The following CFAP77 variants were observed in gnomAD, a reference collection of about 807,000 sequenced individuals.
The protein encoded by CFAP77 is cilia- and flagella-associated protein 77.
A neutral mutation model predicts 31.1 loss-of-function variants in CFAP77; 25 were observed. That is an observed-to-expected ratio of 0.80 (90% CI 0.59 to 1.12). The LOEUF is 1.12. Ranked by LOEUF, CFAP77 falls within the 50% of genes most tolerant of loss-of-function variation. The probability of loss-of-function intolerance (pLI) is 0.00; values close to 1 mark genes in which losing one functional copy is unlikely to be tolerated. For missense variants in CFAP77, 377 were observed against 397.3 expected (o/e 0.95, Z 0.44); for synonymous variants, 151 against 159.9 (o/e 0.94, Z 0.42).
intron 1 of CFAP77, among the ~76,000 whole-genome samples, chr9:132,454,170 T>C (rs1850875840): frequency 6.6e-6 from 1 of 152,156 alleles, no homozygotes; most frequent in African/African-American, 2.4e-5. Flanking sequence ...AAAAGCATCA[T>C]AATTTTTTGC....
chr9:132,444,023 C>A (rs60545066), intron 1 of CFAP77, among the ~76,000 whole-genome samples: 3 of 152,340 alleles, frequency 2.0e-5, no homozygotes, highest in African/African-American at 7.2e-5. Context: ...GTGGCCCTCC[C>A]GGGCCCACAG....
rs114508904 is a variant in CFAP77 at position 132,513,449 on chromosome 9, C to T, written c.524+13849C>T. On this transcript the variant is annotated intron_variant, in intron 3 of 5. Coordinates refer to ENST00000393216, the MANE Select transcript of CFAP77 (RefSeq NM_001282957.2). ...CACCTTCCTAGCCTCAGCCCCTCCCCGTCTTCCCTGAGGACCCTCCCGAGG... is the reference window on the plus strand; with the variant it reads ...CACCTTCCTAGCCTCAGCCCCTCCCTGTCTTCCCTGAGGACCCTCCCGAGG... 943 of 1,381,286 alleles carry T rather than the reference C, an allele frequency of 6.8e-4. 11 individuals carry two copies. The African/African-American group carries it at 0.013, about 18-fold the overall frequency. 85.6% of individuals were successfully genotyped at this position (1,381,286 alleles called of 1,614,324 possible). A position where few individuals can be genotyped will look rare whatever the true frequency, so the allele number is the denominator to read the frequency against.
intron 1 of CFAP77, among the ~76,000 whole-genome samples, chr9:132,430,063 CTG>C (rs913378431): frequency 3.6e-4 from 55 of 152,184 alleles, no homozygotes; most frequent in African/African-American, 1.3e-3. Context: ...TGGCGTTCTC[CTG>C]GGCACTCCCT....
chr9:132,541,447 G>A (rs115972785), intron 4 of CFAP77, among the ~76,000 whole-genome samples: 3,322 of 152,344 alleles, frequency 0.022, 126 homozygotes, highest in African/African-American at 0.075. Context: ...GACATGACCA[G>A]GTGTGGTGGC....
chr9:132,494,667 A>T (rs115070051), intron 1 of CFAP77, among the ~76,000 whole-genome samples: 14,120 of 152,236 alleles, frequency 0.093, 1,038 homozygotes, highest in African/African-American at 0.21. Context: ...AAACAGCACT[A>T]TCCACGGTGG....
intron 1 of CFAP77, among the ~76,000 whole-genome samples, chr9:132,479,589 G>A (rs1272718566): frequency 2.6e-5 from 4 of 152,222 alleles, no homozygotes; most frequent in Admixed American, 2.6e-4. Context: ...GCTCCTCCGA[G>A]TGGCTGGAGG....
chr9:132,464,196 T>A (rs1383208848), intron 1 of CFAP77, among the ~76,000 whole-genome samples: 1 of 152,180 alleles, frequency 6.6e-6, no homozygotes, highest in East Asian at 1.9e-4. Context: ...AACATGCACA[T>A]CTTCCCATCA....
intron 3 of CFAP77, chr9:132,513,471 G>A (rs1289367384): frequency 1.7e-5 from 21 of 1,266,202 alleles, no homozygotes; most frequent in African/African-American, 7.5e-5. Flanking sequence ...GGACCCTCCC[G>A]AGGTTGGAGC....
rs35890047 is a variant in CFAP77, at chr9:132,526,542, T to TA, written c.525-11050dup. Among the ~76,000 whole-genome samples the TA allele has an allele frequency of 2.3e-3, 337 of 147,452 alleles. 7 individuals carry two copies. Among genetic ancestry groups the TA allele is most frequent in the African/African-American group, 7.3e-3 (297 of 40,676 alleles). ...CCACAGCGCCCGACCGGCAGTTTCT[T>TA]AAAAAAAAACTAAACACCAGGAGCT... On this transcript the variant is annotated intron_variant, in intron 3 of 5. Coordinates refer to ENST00000393216, the MANE Select transcript of CFAP77 (RefSeq NM_001282957.2).
At chr9:132,519,633 T>A (rs1327661486) in intron 3 of CFAP77, among the ~76,000 whole-genome samples, 8 of 128,138 alleles carry the variant, frequency 6.2e-5, no homozygotes, top group Non-Finnish European at 1.2e-4. Context: ...GGTGGGTAGG[T>A]GGATGGGCAG....
intron 1 of CFAP77, among the ~76,000 whole-genome samples, chr9:132,496,199 A>AT (rs548435692): frequency 7.5e-4 from 113 of 149,888 alleles, no homozygotes; most frequent in African/African-American, 2.4e-3. Context: ...TATAAAGTCT[A>AT]TTTTTTTAAA....
intron 1 of CFAP77, among the ~76,000 whole-genome samples, chr9:132,435,080 G>A (rs1324085561): frequency 1.3e-5 from 2 of 152,152 alleles, no homozygotes; most frequent in African/African-American, 4.8e-5. Context: ...TTCTTCCGCC[G>A]CCTTGGAGGT....
At chr9:132,449,451 T>C (rs1485453531) in intron 1 of CFAP77, among the ~76,000 whole-genome samples, 2 of 150,116 alleles carry the variant, frequency 1.3e-5, no homozygotes, top group African/African-American at 4.9e-5. Flanking sequence ...TTTTTTTTTA[T>C]GTTTTACTTC....
chr9:132,438,541 A>ATATATATATTTTTTTTTTT, intron 1 of CFAP77, among the ~76,000 whole-genome samples: 1 of 108,154 alleles, frequency 9.2e-6, no homozygotes, highest in African/African-American at 4.1e-5. Flanking sequence ...ATATATATAT[A>ATATATATATTTTTTTTTTT]TTTTTTTTTT....
At chr9:132,437,854 G>A (rs1033716066) in intron 1 of CFAP77, among the ~76,000 whole-genome samples, 8 of 151,096 alleles carry the variant, frequency 5.3e-5, no homozygotes, top group African/African-American at 1.9e-4. Flanking sequence ...TGGAAAATGG[G>A]TATATAGTAA....
intron 1 of CFAP77, among the ~76,000 whole-genome samples, chr9:132,487,061 G>A (rs1851574158): frequency 6.6e-6 from 1 of 152,248 alleles, no homozygotes. Flanking sequence ...CGCCTGGAGG[G>A]GCTCCCCACG....
rs1372224310 is a variant in CFAP77 at position 132,410,343 on chromosome 9, G to C, written c.72G>C (p.Thr24=). 3 of 1,597,572 alleles carry C rather than the reference G, an allele frequency of 1.9e-6. No homozygotes were observed. Among genetic ancestry groups the C allele is most frequent in the Admixed American group, 1.7e-5 (1 of 58,828 alleles). Residue 24 remains threonine, a synonymous_variant, in exon 1 of 6, where the codon ACG becomes ACC. Coordinates refer to ENST00000393216, the MANE Select transcript of CFAP77 (RefSeq NM_001282957.2). ...WRKQQQPVRR[T]VSQVCPPPRR... is the part of the protein sequence containing the mutation. ...AGCAGCAGCAGCCTGTGCGCCGCAC[G>C]GTCAGCCAGGTCTGCCCGCCCCCGC...
intron 1 of CFAP77, among the ~76,000 whole-genome samples, chr9:132,425,632 C>T (rs969246983): frequency 2.0e-5 from 3 of 151,988 alleles, no homozygotes; most frequent in South Asian, 2.1e-4. Flanking sequence ...ACTAACTAGG[C>T]GCCGAGTGTG....
At chr9:132,486,159 C>G (rs951142529) in intron 1 of CFAP77, among the ~76,000 whole-genome samples, 1 of 133,330 alleles carries the variant, frequency 7.5e-6, no homozygotes, top group African/African-American at 2.9e-5. Flanking sequence ...GTGGCGCAAT[C>G]TCGGCTCACT....
Sources: gnomAD v4.1 joint callset for allele counts (sites outside exome capture counted in the v4.1 genomes callset) on GRCh38, gnomAD v4.1.1 for gene constraint, MANE v1.5 for transcripts, NCBI Gene and HGNC (gene_info 2026-07-23, HGNC 2026-07-21) for gene names.